RORA: variants seen among roughly 807,000 people sequenced by gnomAD.
RORA encodes the protein nuclear receptor ROR-alpha.
Under a neutral mutation model 69.5 loss-of-function variants are expected in RORA, and 7 were observed. That is an observed-to-expected ratio of 0.10 (90% confidence interval 0.06 to 0.19). The LOEUF is 0.19. RORA is among the 10% of genes least tolerant of loss of function. The probability of loss-of-function intolerance (pLI) is 1.00; values close to 1 mark genes in which losing one functional copy is unlikely to be tolerated. For synonymous variants in RORA, 261 were observed against 240.8 expected, an observed-to-expected ratio of 1.08 and a Z score of -0.78; for missense variants, 457 against 663.0, an observed-to-expected ratio of 0.69 and a Z score of 3.41.
chr15:60,660,566 G>A (rs1386010956), intron 2 of RORA, among the ~76,000 whole-genome samples: 1 of 152,136 alleles, frequency 6.6e-6, no homozygotes, highest in African/African-American at 2.4e-5. Context: ...CTGGCAACGA[G>A]GACATCTTTG....
chr15:61,171,272 G>A (rs947925530), intron 1 of RORA, among the ~76,000 whole-genome samples: 4 of 152,218 alleles, frequency 2.6e-5, no homozygotes, highest in African/African-American at 7.2e-5. Flanking sequence ...GGTGGGCTAT[G>A]CCATCCTTGT....
chr15:60,500,208 A>G (rs2065287975), intron 9 of RORA, among the ~76,000 whole-genome samples: 1 of 152,096 alleles, frequency 6.6e-6, no homozygotes, highest in Non-Finnish European at 1.5e-5. Context: ...AAACCTTTCC[A>G]TTTTTACCAA....
intron 1 of RORA, among the ~76,000 whole-genome samples, chr15:60,867,352 A>G (rs2073501348): frequency 6.6e-6 from 1 of 152,146 alleles, no homozygotes; most frequent in African/African-American, 2.4e-5. Context: ...GTATTGTGCA[A>G]CTGAGCCCTT....
At position 61,136,139 on chromosome 15, in the gene RORA, G is replaced by GAGTTCCTGGCCAT. The variant is rs1404426528; in HGVS notation, c.166+92901_166+92913dup. Reference sequence around the variant, plus strand: ...CCACTCTTCTTGAAAGGGGGTGGAAGAGTTCCTGGCCATAGAAGCACAGAA... The same window carrying GAGTTCCTGGCCAT: ...CCACTCTTCTTGAAAGGGGGTGGAAGAGTTCCTGGCCATAGTTCCTGGCCATAGAAGCACAGAA... On this transcript the variant is annotated intron_variant, in intron 1 of 10. Transcript: ENST00000335670. 2.6e-5 allele frequency among the ~76,000 whole-genome samples: 4 copies of GAGTTCCTGGCCAT among 152,294 alleles called. No homozygotes were observed. In the East Asian group the frequency reaches 7.7e-4, roughly 29 times the overall value.
At chr15:60,930,419 G>A (rs1892341761) in intron 1 of RORA, among the ~76,000 whole-genome samples, 1 of 152,126 alleles carries the variant, frequency 6.6e-6, no homozygotes, top group African/African-American at 2.4e-5. Flanking sequence ...TGGGACGGTG[G>A]GAGGCATCTT....
intron 1 of RORA, among the ~76,000 whole-genome samples, chr15:61,218,292 C>T (rs901939959): frequency 4.0e-5 from 6 of 151,752 alleles, no homozygotes; most frequent in Non-Finnish European, 8.8e-5. Context: ...GAGAGGCAAG[C>T]GGTTCCAGTG....
intron 2 of RORA, among the ~76,000 whole-genome samples, chr15:60,640,110 A>G (rs976187943): frequency 1.3e-5 from 2 of 152,214 alleles, no homozygotes; most frequent in Non-Finnish European, 2.9e-5. Flanking sequence ...GAGTCCTCAT[A>G]TAGAAGATGT....
chr15:61,160,914 T>C (rs2079489337), intron 1 of RORA, among the ~76,000 whole-genome samples: 1 of 152,146 alleles, frequency 6.6e-6, no homozygotes, highest in Non-Finnish European at 1.5e-5. Context: ...CTGGGAAGAA[T>C]GTTTCTGGGG....
chr15:60,627,412 G>A (rs1871488363), intron 2 of RORA: 1 of 1,613,200 alleles, frequency 6.2e-7, no homozygotes, highest in Non-Finnish European at 8.5e-7. Context: ...CAGAAACTGG[G>A]GCTGTGCTTT....
chr15:60,607,601 G>A (rs2068979858), intron 2 of RORA, among the ~76,000 whole-genome samples: 1 of 152,152 alleles, frequency 6.6e-6, no homozygotes. Context: ...ATTATACACA[G>A]GCATTTTATT....
intron 1 of RORA, among the ~76,000 whole-genome samples, chr15:61,072,474 C>T (rs1019788829): frequency 1.3e-5 from 2 of 152,106 alleles, no homozygotes; most frequent in African/African-American, 4.8e-5. Flanking sequence ...ACTCTAAATG[C>T]TGAATGGAGA....
intron 1 of RORA, among the ~76,000 whole-genome samples, chr15:60,805,357 G>T (rs1208814249): frequency 1.3e-5 from 2 of 152,216 alleles, no homozygotes; most frequent in Non-Finnish European, 2.9e-5. Flanking sequence ...AGAGGGAAGA[G>T]AACTGTTGCC....
chr15:61,168,097 T>C (rs1369102076), intron 1 of RORA, among the ~76,000 whole-genome samples: 1 of 151,206 alleles, frequency 6.6e-6, no homozygotes, highest in Non-Finnish European at 1.5e-5. Context: ...TGTAGAAAAC[T>C]TGTAATGTAT....
chr15:61,120,458 G>C (rs894915585), intron 1 of RORA, among the ~76,000 whole-genome samples: 5 of 152,042 alleles, frequency 3.3e-5, no homozygotes, highest in African/African-American at 1.2e-4. Context: ...CCAGCACTTT[G>C]GGAGGCCGAG....
At chr15:60,937,569 T>A (rs1206734670) in intron 1 of RORA, among the ~76,000 whole-genome samples, 1 of 152,220 alleles carries the variant, frequency 6.6e-6, no homozygotes, top group East Asian at 1.9e-4. Flanking sequence ...AATGTATGAT[T>A]GGTCCTTAGA....
At chr15:60,503,834 G>A (rs536618972) in intron 6 of RORA, among the ~76,000 whole-genome samples, 167 bp from the exon 7 acceptor site, 1 of 152,252 alleles carries the variant, frequency 6.6e-6, no homozygotes, top group Non-Finnish European at 1.5e-5. Flanking sequence ...ATGGAGTCTC[G>A]CTCTGTCACC....
intron 1 of RORA, among the ~76,000 whole-genome samples, chr15:60,698,653 T>C (rs1295619376): frequency 6.8e-6 from 1 of 146,360 alleles, no homozygotes; most frequent in Non-Finnish European, 1.5e-5. Flanking sequence ...TTTTTGGAAG[T>C]ACATTCTTGA....
chr15:60,996,824 G>C (rs1048104907), intron 1 of RORA, among the ~76,000 whole-genome samples: 1 of 151,908 alleles, frequency 6.6e-6, no homozygotes, highest in African/African-American at 2.4e-5. Context: ...GCAGGAGAAT[G>C]GTGTGAACCC....
At chr15:60,869,728 A>G (rs563891598) in intron 1 of RORA, among the ~76,000 whole-genome samples, 181 of 151,872 alleles carry the variant, frequency 1.2e-3, no homozygotes, top group African/African-American at 4.3e-3. Context: ...GCAAGTGACC[A>G]CTCCTCCCTC....
Sources: gnomAD v4.1 joint callset for allele counts (sites outside exome capture counted in the v4.1 genomes callset) on GRCh38, gnomAD v4.1.1 for gene constraint, MANE v1.5 for transcripts, NCBI Gene and HGNC (gene_info 2026-07-23, HGNC 2026-07-21) for gene names.